Variants in MAST1 observed in about 807,000 individuals in gnomAD.
The protein encoded by MAST1 is microtubule associated serine/threonine kinase 1.
Under a neutral mutation model 124.6 loss-of-function variants are expected in MAST1, and 40 were observed. That is an observed-to-expected ratio of 0.32 (90% confidence interval 0.25 to 0.42). The LOEUF is 0.42. MAST1 is among the 10% of genes least tolerant of loss of function. MAST1 has a pLI of 1.00. For synonymous variants in MAST1, 938 were observed against 939.4 expected (o/e 1.00, Z 0.03); for missense variants, 1,558 against 2,181.9 (o/e 0.71, Z 5.70).
rs777295810 is a variant in MAST1 at position 12,847,696 on chromosome 19, G to A, written c.564+9G>A. 1 of 1,613,340 alleles carries A rather than the reference G, an allele frequency of 6.2e-7. No homozygotes were observed. The highest frequency in any genetic ancestry group is 8.5e-7 in the Non-Finnish European group (1 of 1,179,620). ...AGGAGAGGTTCCCGAAGGTGAGGTG[G>A]GACCCGAGGCGGTCACGGGGTGACC... On this transcript the variant is annotated intron_variant, in intron 6 of 25. Coordinates refer to ENST00000251472, the MANE Select transcript of MAST1 (RefSeq NM_014975.3). This position sits in a 1 kb window ranked among gnomAD's most constrained non-coding sequence, Gnocchi z 5.5.
intron 24 of MAST1, among the ~76,000 whole-genome samples, chr19:12,872,083 G>T (rs1417584960): frequency 2.0e-5 from 3 of 152,100 alleles, no homozygotes; most frequent in Admixed American, 6.6e-5. Flanking sequence ...GACGGAGGGG[G>T]TCCAGGAGAT....
rs1299200800 is a variant in MAST1, at chr19:12,874,678, C to G, written c.4521C>G (p.Pro1507=). Residue 1507 remains proline (P), a synonymous_variant, in exon 26 of 26, where the codon CCC becomes CCG. Coordinates refer to ENST00000251472, the MANE Select transcript of MAST1 (RefSeq NM_014975.3). This position sits in a 1 kb window ranked among gnomAD's most constrained non-coding sequence, Gnocchi z 6.6. ...CCTCCCCAAAGCTCTCCCCGGAGCC[C>G]CAGACACCCTCCCTAGCCCCAGCGA... ...KPASPKLSPE[P]QTPSLAPAKC... is the part of the protein sequence containing the mutation. 6.5e-7 allele frequency: 1 copy of G among 1,548,186 alleles called. No individual in the cohort carries two copies. Among genetic ancestry groups the G allele is most frequent in the Non-Finnish European group, 8.8e-7 (1 of 1,142,832 alleles).
rs911763649 is a variant in MAST1, at chr19:12,865,009, C to T, written c.1506-37C>T. On this transcript the variant is annotated intron_variant, in intron 13 of 25. Coordinates refer to ENST00000251472, the MANE Select transcript of MAST1 (RefSeq NM_014975.3). The surrounding 1 kb of genome is among the most constrained non-coding windows in gnomAD (Gnocchi z 7.1). The stretch of plus-strand genomic sequence containing the variant: ...TCGGGAGGCCAGGAGGCAGAATGGA[C>T]GGGCCTCATCCCTGAGATCCCCACC... The T allele has an allele frequency of 2.3e-5, 37 of 1,613,338 alleles. No homozygotes were observed. The highest frequency in any genetic ancestry group is 1.6e-4 in the Middle Eastern group (1 of 6,082).
rs1200492475 is a variant in MAST1 at position 12,841,827 on chromosome 19, G to A, written c.248+761G>A. 1.3e-5 allele frequency among the ~76,000 whole-genome samples: 2 copies of A among 152,202 alleles called. No individual in the cohort carries two copies. Among genetic ancestry groups the A allele is most frequent in the Non-Finnish European group, 2.9e-5 (2 of 68,032 alleles). On this transcript the variant is annotated intron_variant, in intron 3 of 25. Transcript: ENST00000251472. This position sits in a 1 kb window ranked among gnomAD's most constrained non-coding sequence, Gnocchi z 4.3. ...TGTTGTGAGAGTCAAAGGAGACTGT[G>A]AAGACAGACAGCTCCCTTGGGAAAG... is the stretch of plus-strand genomic sequence containing the variant.
chr19:12,847,233 C>G lies in MAST1; in HGVS notation c.328-57C>G. ...GGCTTTGGGAGTCCCAGCTCAGGGTCCTGAGCTGTTGGGGGGCCCATGGTG... is the reference window on the plus strand; with the variant it reads ...GGCTTTGGGAGTCCCAGCTCAGGGTGCTGAGCTGTTGGGGGGCCCATGGTG... On this transcript the variant is annotated intron_variant, in intron 4 of 25. Transcript: ENST00000251472. This position sits in a 1 kb window ranked among gnomAD's most constrained non-coding sequence, Gnocchi z 5.5. The G allele has an allele frequency of 1.6e-6, 2 of 1,223,010 alleles. No individual in the cohort carries two copies. The highest frequency in any genetic ancestry group is 2.4e-6 in the Non-Finnish European group (2 of 843,000). The allele number at this position is 1,223,010 out of a possible 1,614,324, so 75.8% of individuals were successfully genotyped here.
intron 12 of MAST1, among the ~76,000 whole-genome samples, chr19:12,861,501 G>T (rs1458941505): frequency 6.6e-6 from 1 of 152,114 alleles, no homozygotes; most frequent in Non-Finnish European, 1.5e-5. Context: ...TGACAATTTA[G>T]ATTTGGAGGA....
chr19:12,859,533 C>T (rs1428987326), intron 12 of MAST1, among the ~76,000 whole-genome samples: 5 of 152,028 alleles, frequency 3.3e-5, no homozygotes, highest in African/African-American at 1.2e-4. Flanking sequence ...ATTATAGGTG[C>T]GGACCACCAC....
chr19:12,858,912 C>T, intron 12 of MAST1, 173 bp downstream of exon 12: 2 of 646,786 alleles, frequency 3.1e-6, no homozygotes. Flanking sequence ...TATATTTATT[C>T]AGTCATCTAT....
intron 4 of MAST1, among the ~76,000 whole-genome samples, chr19:12,845,609 A>G (rs1421909441): frequency 6.7e-6 from 1 of 150,134 alleles, no homozygotes; most frequent in Non-Finnish European, 1.5e-5. Flanking sequence ...AAAATAAAGC[A>G]AGAGGAGAGC....
rs749063000 is a variant in MAST1 at position 12,874,683 on chromosome 19, C to T, written c.4526C>T (p.Thr1509Ile). 1.3e-6 allele frequency: 2 copies of T among 1,550,778 alleles called. No homozygotes were observed. Among genetic ancestry groups the T allele is most frequent in the South Asian group, 2.4e-5 (2 of 82,380 alleles). The change falls in exon 26 of 26, where the codon ACA becomes ATA. Residue 1509 changes from threonine (T) to isoleucine (I), a missense_variant. Coordinates refer to ENST00000251472, the MANE Select transcript of MAST1 (RefSeq NM_014975.3). This position sits in a 1 kb window ranked among gnomAD's most constrained non-coding sequence, Gnocchi z 6.6. ...CCAAAGCTCTCCCCGGAGCCCCAGA[C>T]ACCCTCCCTAGCCCCAGCGAAGTGC... ...ASPKLSPEPQ[T>I]PSLAPAKCSA...
At position 12,866,260 on chromosome 19, in the gene MAST1, G is replaced by GGGGCTGACATACAGGCGGGGCTC. The variant is rs1453570646; in HGVS notation, c.2029+159_2029+181dup. ...TGGTGGGGGCGGGGCCAAGTGGGGC[G>GGGGCTGACATACAGGCGGGGCTC]GGGCTGACATACAGGCGGGGCTCAG... On this transcript the variant is annotated intron_variant, in intron 17 of 25. Transcript: ENST00000251472. This position sits in a 1 kb window ranked among gnomAD's most constrained non-coding sequence, Gnocchi z 5.2. Among the ~76,000 whole-genome samples, 3 of 152,056 alleles carry GGGGCTGACATACAGGCGGGGCTC rather than the reference G, an allele frequency of 2.0e-5. No homozygotes were observed. Among genetic ancestry groups the GGGGCTGACATACAGGCGGGGCTC allele is most frequent in the Non-Finnish European group, 4.4e-5 (3 of 68,006 alleles).
Position 12,873,539 on chromosome 19 carries a change from C to T in MAST1, c.3451+28C>T. 5 of 1,589,428 alleles carry T rather than the reference C, an allele frequency of 3.1e-6. No individual in the cohort carries two copies. In the South Asian group the frequency reaches 4.4e-5, roughly 14 times the overall value. ...ATTACCTCCTGCACCTGCGCGGGGA[C>T]CGAGCAGCGCGGGGTGGCCTGGCTG... On this transcript the variant is annotated intron_variant, in intron 25 of 25. Transcript: ENST00000251472.
chr19:12,847,971 G>T lies in MAST1; in HGVS notation c.688G>T (p.Asp230Tyr), dbSNP rs1178360653. The T allele has an allele frequency of 6.2e-7, 1 of 1,614,028 alleles. No individual in the cohort carries two copies. The highest frequency in any genetic ancestry group is 1.7e-5 in the Admixed American group (1 of 60,004). ...IHHQIIELAR[D>Y]CLTKSRDGLI... ...CCACCAGATCATCGAGCTGGCCCGG[G>T]ACTGCCTGACCAAGTCCCGTGACGG... The change falls in exon 7 of 26, where the codon GAC (aspartate) becomes TAC (tyrosine). Residue 230 changes from aspartate (D) to tyrosine (Y), a missense_variant. By Grantham distance (160) the Asp-to-Tyr change is radical (BLOSUM62 -3). Around this residue, in one of 10 missense-constraint regions of MAST1, gnomAD observed 165 missense variants for 315.3 expected, o/e 0.52. Transcript: ENST00000251472. The surrounding 1 kb of genome is among the most constrained non-coding windows in gnomAD (Gnocchi z 5.5).
intron 2 of MAST1, 74 bp from the exon 3 acceptor site, chr19:12,840,917 G>A: frequency 2.6e-6 from 2 of 783,074 alleles, no homozygotes; most frequent in Non-Finnish European, 4.8e-6. Flanking sequence ...ACTAAAGACA[G>A]GACATGCTGC....
Position 12,867,563 on chromosome 19 carries a change from G to C in MAST1, c.2229G>C (p.Lys743Asn). Residue 743 changes from lysine (K) to asparagine (N), a missense_variant, in exon 19 of 26, where the codon AAG becomes AAC. Physicochemically the swap from Lys to Asn is moderately conservative, Grantham distance 94. This residue lies in a region of MAST1 where 287 missense variants were observed against 308.0 expected (regional missense o/e 0.93). Transcript: ENST00000251472. ...GCAGCAAGCGGGAGCCGAGCACCAA[G>C]GGCCCCGAGGAGAAGGTGGCCGGCA... The part of the protein sequence containing the change: ...AGSSKREPST[K>N]GPEEKVAGKR... The C allele has an allele frequency of 6.2e-7, 1 of 1,613,626 alleles. No homozygotes were observed. Among genetic ancestry groups the C allele is most frequent in the Non-Finnish European group, 8.5e-7 (1 of 1,179,878 alleles).
At chr19:12,842,064 T>G (rs931465947) in intron 3 of MAST1, among the ~76,000 whole-genome samples, 1 of 152,166 alleles carries the variant, frequency 6.6e-6, no homozygotes, top group Non-Finnish European at 1.5e-5. Flanking sequence ...TGTGTGATTG[T>G]CACTGTGTGA....
intron 10 of MAST1, among the ~76,000 whole-genome samples, chr19:12,852,904 A>G (rs1969980149): frequency 6.6e-6 from 1 of 152,072 alleles, no homozygotes; most frequent in Non-Finnish European, 1.5e-5. Flanking sequence ...CCTCTTTGTC[A>G]TGTTAAAATC....
rs1404583937 is a variant in MAST1 at position 12,858,591 on chromosome 19, C to T, written c.1218C>T (p.Asn406=). 7.4e-6 allele frequency: 12 copies of T among 1,614,248 alleles called. No homozygotes were observed. Among genetic ancestry groups the T allele is most frequent in the Non-Finnish European group, 1.0e-5 (12 of 1,180,042 alleles). ...AGCGCTTTGCCATGAAAAAGATCAA[C>T]AAGCAGAACTTGATCCTCCGCAACC... ...TRQRFAMKKI[N]KQNLILRNQI... is the part of the protein sequence containing the mutation. Residue 406 remains asparagine, a synonymous_variant, in exon 12 of 26, where the codon AAC becomes AAT. Transcript: ENST00000251472.
chr19:12,840,368 C>G (rs1201802458), intron 1 of MAST1, 78 bp from the exon 2 acceptor site: 20 of 882,862 alleles, frequency 2.3e-5, no homozygotes, highest in Admixed American at 1.2e-4. Flanking sequence ...GGATCTGAGA[C>G]AGGAGGTCAG....
Sources: gnomAD v4.1 joint callset for allele counts (sites outside exome capture counted in the v4.1 genomes callset) on GRCh38, gnomAD v4.1.1 for gene constraint, gnomAD v4.1.1 regional missense constraint, Gnocchi (gnomAD v3.1) non-coding constraint, MANE v1.5 for transcripts, NCBI Gene and HGNC (gene_info 2026-07-23, HGNC 2026-07-21) for gene names.